The following MECOM variants were observed in gnomAD, a reference collection of about 807,000 sequenced individuals.
MECOM encodes the protein MDS1 and EVI1 complex locus.
Under a neutral mutation model 116.3 loss-of-function variants are expected in MECOM, and 13 were observed. The observed-to-expected ratio is 0.11, with a 90% CI of 0.07 to 0.18. The LOEUF (loss-of-function observed/expected upper bound fraction) is 0.18, where lower values mean the gene tolerates loss of function less well. Ranked by LOEUF, MECOM falls within the 10% of genes least tolerant of loss-of-function variation. The pLI is 1.00. For missense variants in MECOM, 1,299 were observed against 1,509.0 expected (o/e 0.86, Z 2.31); for synonymous variants, 528 against 535.2 (o/e 0.99, Z 0.19).
chr3:169,450,697 A>G, intron 1 of MECOM, among the ~76,000 whole-genome samples: 1 of 152,128 alleles, frequency 6.6e-6, no homozygotes, highest in East Asian at 1.9e-4. Flanking sequence ...GTGAAAACAC[A>G]CAGATCCTGA....
intron 2 of MECOM, among the ~76,000 whole-genome samples, chr3:169,264,901 A>G (rs1466766915): frequency 6.6e-6 from 1 of 152,174 alleles, no homozygotes; most frequent in Non-Finnish European, 1.5e-5. Context: ...GATTATTCCC[A>G]TGGACTCTTG....
intron 2 of MECOM, among the ~76,000 whole-genome samples, chr3:169,161,036 C>A (rs1007775874): frequency 2.6e-5 from 4 of 152,140 alleles, no homozygotes; most frequent in Admixed American, 6.5e-5. Context: ...GAGTTCAACA[C>A]GTAAACCAAC....
At chr3:169,607,079 T>C (rs990702311) in intron 1 of MECOM, among the ~76,000 whole-genome samples, 1 of 152,226 alleles carries the variant, frequency 6.6e-6, no homozygotes, top group African/African-American at 2.4e-5. Context: ...TCCTGTATTA[T>C]AATACTTTAA....
At chr3:169,198,682 C>A (rs945346259) in intron 2 of MECOM, among the ~76,000 whole-genome samples, 2 of 151,980 alleles carry the variant, frequency 1.3e-5, no homozygotes, top group African/African-American at 4.8e-5. Flanking sequence ...CCTGACCACT[C>A]TTCCCCATAA....
intron 6 of MECOM, 64 bp from the exon 7 acceptor site, chr3:169,121,273 G>A (rs913807044): frequency 6.5e-5 from 96 of 1,469,330 alleles, no homozygotes; most frequent in Non-Finnish European, 7.8e-5. Context: ...AAGAAGACCC[G>A]GGATGACTCA....
intron 2 of MECOM, among the ~76,000 whole-genome samples, chr3:169,310,636 C>A (rs1380938067): frequency 1.3e-5 from 2 of 152,164 alleles, no homozygotes; most frequent in African/African-American, 4.8e-5. Context: ...AATTATTTGG[C>A]TCTTCTGTAT....
At position 169,090,837 on chromosome 3, in the gene MECOM, T is replaced by C. The variant is rs138446325; in HGVS notation, c.3165-601A>G. ...TTTGTACTATTTTCAAATTATTTTT[T>C]ACAGTCTGAATGTGAAATAGTTCCT... On this transcript the variant is annotated intron_variant, in intron 14 of 16. Transcript: ENST00000651503. Among the ~76,000 whole-genome samples the C allele has an allele frequency of 9.9e-5, 15 of 152,170 alleles. No individual in the cohort carries two copies. The East Asian group carries it at 2.9e-3, about 29-fold the overall frequency.
chr3:169,655,735 A>T (rs1775465467), intron 1 of MECOM, among the ~76,000 whole-genome samples: 1 of 152,222 alleles, frequency 6.6e-6, no homozygotes, highest in African/African-American at 2.4e-5. Context: ...TACCGTAGAC[A>T]TGTAAATACT....
intron 1 of MECOM, among the ~76,000 whole-genome samples, chr3:169,662,872 G>A (rs1005109963): frequency 1.3e-5 from 2 of 151,388 alleles, no homozygotes; most frequent in African/African-American, 4.9e-5. Flanking sequence ...TTCTCCTGCC[G>A]GCCCCCCATC....
chr3:169,619,815 T>C (rs1360584249), intron 1 of MECOM, among the ~76,000 whole-genome samples: 1 of 152,222 alleles, frequency 6.6e-6, no homozygotes, highest in African/African-American at 2.4e-5. Flanking sequence ...CTTGCCTTCC[T>C]TTTTAAAACT....
At chr3:169,483,406 C>G (rs1262094790) in intron 1 of MECOM, among the ~76,000 whole-genome samples, 2 of 146,716 alleles carry the variant, frequency 1.4e-5, no homozygotes, top group African/African-American at 5.0e-5. Flanking sequence ...CACCTCCACA[C>G]CCGCATCTGC....
At chr3:169,564,332 G>A (rs1300129325) in intron 1 of MECOM, among the ~76,000 whole-genome samples, 1 of 152,074 alleles carries the variant, frequency 6.6e-6, no homozygotes, top group African/African-American at 2.4e-5. Flanking sequence ...AATTCTCCTA[G>A]TCTATGCCTG....
intron 1 of MECOM, among the ~76,000 whole-genome samples, chr3:169,574,612 G>A (rs1423266543): frequency 2.0e-5 from 3 of 152,140 alleles, no homozygotes; most frequent in African/African-American, 4.8e-5. Context: ...GAGCAAAACC[G>A]ACTTTCTTCA....
At chr3:169,563,239 C>A (rs1762860370) in intron 1 of MECOM, among the ~76,000 whole-genome samples, 1 of 152,152 alleles carries the variant, frequency 6.6e-6, no homozygotes, top group Non-Finnish European at 1.5e-5. Context: ...ACATCACCAG[C>A]AGACTGCTCT....
chr3:169,464,168 G>A (rs547242479), intron 1 of MECOM: 40 of 152,166 alleles, frequency 2.6e-4, no homozygotes, highest in African/African-American at 7.7e-4. Context: ...ATTTGTGTGA[G>A]GATTCTTGCA....
chr3:169,361,294 A>C (rs533028620), intron 2 of MECOM, among the ~76,000 whole-genome samples: 1 of 151,952 alleles, frequency 6.6e-6, no homozygotes, highest in East Asian at 2.0e-4. Context: ...AACATGAATC[A>C]ATGTTTCAAA....
At position 169,473,685 on chromosome 3, in the gene MECOM, C is replaced by T. The variant is rs139980125; in HGVS notation, c.38-92161G>A. Among the ~76,000 whole-genome samples, 692 of 152,188 alleles carry T rather than the reference C, an allele frequency of 4.5e-3. 6 individuals are homozygous for T. The highest frequency in any genetic ancestry group is 0.016 in the African/African-American group (664 of 41,530). ...TCAGGAGGCTGAGGTAGGAGAATCA[C>T]TTGAATCTGGGGGGCAGAGGTTGTA... On this transcript the variant is annotated intron_variant, in intron 1 of 16. Coordinates refer to ENST00000651503, the MANE Select transcript of MECOM (RefSeq NM_004991.4).
chr3:169,171,432 A>T (rs1744384576), intron 2 of MECOM, among the ~76,000 whole-genome samples: 1 of 152,156 alleles, frequency 6.6e-6, no homozygotes, highest in South Asian at 2.1e-4. Flanking sequence ...AGTGATTTGT[A>T]CATAGTAGGT....
chr3:169,493,936 G>A (rs77435479), intron 1 of MECOM, among the ~76,000 whole-genome samples: 13 of 47,010 alleles, frequency 2.8e-4, no homozygotes, highest in Non-Finnish European at 4.5e-4. Flanking sequence ...TGACAGTAAC[G>A]TGGTTAAATT....
Sources: gnomAD v4.1 joint callset for allele counts (sites outside exome capture counted in the v4.1 genomes callset) on GRCh38, gnomAD v4.1.1 for gene constraint, MANE v1.5 for transcripts, NCBI Gene and HGNC (gene_info 2026-07-23, HGNC 2026-07-21) for gene names.